The following PI4KA variants were observed in gnomAD, a reference collection of about 807,000 sequenced individuals.
PI4KA encodes PI4-kinase alpha.
In PI4KA, 122 loss-of-function variants were observed where a neutral mutation model predicts 271.4. The ratio of observed to expected loss-of-function variants is 0.45; its 90% CI spans 0.39 to 0.52. PI4KA has a LOEUF of 0.52. PI4KA is among the 20% of genes least tolerant of loss of function. PI4KA has a pLI of 0.00. For missense variants in PI4KA, 1,969 were observed against 2,769.1 expected, an observed-to-expected ratio of 0.71 and a Z score of 6.48; for synonymous variants, 1,041 against 1,078.8, an observed-to-expected ratio of 0.96 and a Z score of 0.69.
At chr22:20,801,112 G>C (rs1367376857) in intron 14 of PI4KA, among the ~76,000 whole-genome samples, 1 of 147,264 alleles carries the variant, frequency 6.8e-6, no homozygotes, top group African/African-American at 2.5e-5. Context: ...GGCTGGTCTC[G>C]AACTCCTGAC....
At position 20,820,594 on chromosome 22, in the gene PI4KA, CA is replaced by C; in HGVS notation, c.473del (p.Leu158CysfsTer30). The C allele has an allele frequency of 6.2e-7, 1 of 1,606,800 alleles. No homozygotes were observed. The highest frequency in any genetic ancestry group is 8.5e-7 in the Non-Finnish European group (1 of 1,174,790). ...TCCCCAAGAGGACATGCAAAACCTG[CA>C]AAAGCACCTCTAAAATCTGTAACAG... is the stretch of plus-strand genomic sequence containing the variant. The part of the protein sequence containing the change: ...SLRDEILEVL[L>X]QVLHVLLGMC... On this transcript the variant is annotated frameshift_variant, in exon 5 of 55. Coordinates refer to ENST00000255882, the MANE Select transcript of PI4KA (RefSeq NM_058004.4). LOFTEE classifies it high-confidence loss of function.
chr22:20,716,337 C>G (rs1926004905), intron 45 of PI4KA, among the ~76,000 whole-genome samples: 1 of 152,280 alleles, frequency 6.6e-6, no homozygotes, highest in Admixed American at 6.5e-5. Flanking sequence ...CAGGCATGAG[C>G]CACCGCACCC....
intron 10 of PI4KA, among the ~76,000 whole-genome samples, chr22:20,806,544 C>A (rs1345339089): frequency 7.3e-5 from 11 of 151,658 alleles, no homozygotes; most frequent in Non-Finnish European, 1.6e-4. Context: ...GTGGCACATG[C>A]CTGTAATCCC....
At position 20,718,599 on chromosome 22, in the gene PI4KA, G is replaced by C. The variant is rs1926308407; in HGVS notation, c.5246+94C>G. 1.8e-5 allele frequency: 25 copies of C among 1,404,140 alleles called. No individual in the cohort carries two copies. In the South Asian group the frequency reaches 2.9e-4, roughly 16 times the overall value. 87.0% of individuals were successfully genotyped at this position (1,404,140 alleles called of 1,614,324 possible). On this transcript the variant is annotated intron_variant, in intron 44 of 54. Transcript: ENST00000255882. ...CTCTCATTCATCTGGTTGGGGCCAG[G>C]CACGGGTATTTTTAAAGCTTCCCAG... is the stretch of plus-strand genomic sequence containing the variant.
rs755643380 is a variant in PI4KA, at chr22:20,734,563, C to T, written c.3742-10G>A. On this transcript the variant is annotated splice_polypyrimidine_tract_variant and intron_variant, in intron 32 of 54. Coordinates refer to ENST00000255882, the MANE Select transcript of PI4KA (RefSeq NM_058004.4). ...CCATCTCCCGCATGAACTACAGGTA[C>T]AGAAGGAATGTTAGCTCCTCTGTGA... 4.3e-6 allele frequency: 7 copies of T among 1,613,834 alleles called. No individual in the cohort carries two copies. Among genetic ancestry groups the T allele is most frequent in the Non-Finnish European group, 5.9e-6 (7 of 1,179,838 alleles).
At chr22:20,812,640 A>G (rs1921216595) in intron 8 of PI4KA, among the ~76,000 whole-genome samples, 1 of 152,062 alleles carries the variant, frequency 6.6e-6, no homozygotes. Context: ...TGCAACCTCC[A>G]CCTCCAAGGT....
chr22:20,848,237 C>CAAGAAAAAAAAAAAAAAAAAAAAAAA (rs1569099398), intron 1 of PI4KA, among the ~76,000 whole-genome samples: 1 of 51,226 alleles, frequency 2.0e-5, no homozygotes, highest in Admixed American at 1.9e-4. Context: ...GACTCCATCT[C>CAAGAAAAAAAAAAAAAAAAAAAAAAA]AAAAAAAAAA....
At position 20,798,707 on chromosome 22, in the gene PI4KA, A is replaced by T. The variant is rs1935122286; in HGVS notation, c.2005-20T>A. On this transcript the variant is annotated intron_variant, in intron 16 of 54. Coordinates refer to ENST00000255882, the MANE Select transcript of PI4KA (RefSeq NM_058004.4). Reference sequence around the variant, plus strand: ...GTATTGCTGGGAGAGAGCAAGATGCACTGTCACCATGCAGGATGCCCTCAT... The same window carrying T: ...GTATTGCTGGGAGAGAGCAAGATGCTCTGTCACCATGCAGGATGCCCTCAT... 6.6e-7 allele frequency: 1 copy of T among 1,519,726 alleles called. No individual in the cohort carries two copies. The highest frequency in any genetic ancestry group is 1.7e-5 in the Admixed American group (1 of 59,932). The allele number at this position is 1,519,726 out of a possible 1,614,324, so 94.1% of individuals were successfully genotyped here. A position where few individuals can be genotyped will look rare whatever the true frequency, so the allele number is the denominator to read the frequency against.
chr22:20,718,581 T>G (rs1926303439), intron 44 of PI4KA, 112 bp downstream of exon 44: 1 of 1,255,260 alleles, frequency 8.0e-7, no homozygotes, highest in African/African-American at 1.5e-5. Flanking sequence ...AGACTCTCAT[T>G]CATCTGGTTG....
At position 20,764,889 on chromosome 22, in the gene PI4KA, G is replaced by T; in HGVS notation, c.2636C>A (p.Ser879Tyr). The change falls in exon 22 of 55, where the codon TCC becomes TAC. Residue 879 changes from serine (S) to tyrosine (Y), a missense_variant. By Grantham distance (144) the Ser-to-Tyr change is moderately radical. Coordinates refer to ENST00000255882, the MANE Select transcript of PI4KA (RefSeq NM_058004.4). ...GAAGTCCAGCTTGTTGATGAGTGCGGACACCTCGGGAGGGGGGTCCAGCAG... is the reference window on the plus strand; with the variant it reads ...GAAGTCCAGCTTGTTGATGAGTGCGTACACCTCGGGAGGGGGGTCCAGCAG... ...INLLDPPPEV[S>Y]ALINKLDFAM... The T allele has an allele frequency of 6.2e-7, 1 of 1,613,740 alleles. No homozygotes were observed. The highest frequency in any genetic ancestry group is 8.5e-7 in the Non-Finnish European group (1 of 1,179,788).
chr22:20,854,863 GA>G (rs1569105890), intron 1 of PI4KA, among the ~76,000 whole-genome samples: 1 of 152,136 alleles, frequency 6.6e-6, no homozygotes, highest in Admixed American at 6.5e-5. Context: ...TTAAGAACAA[GA>G]AACTTGGCCG....
At chr22:20,785,854 C>T in intron 19 of PI4KA, 1 of 1,116,302 alleles carries the variant, frequency 9.0e-7, no homozygotes. Context: ...TTCCTAAAAT[C>T]CTCAACTGAC....
chr22:20,824,475 G>T, intron 3 of PI4KA, 61 bp from the exon 4 acceptor site: 1 of 1,195,614 alleles, frequency 8.4e-7, no homozygotes, highest in Non-Finnish European at 1.2e-6. Flanking sequence ...CACACCTCTG[G>T]CCATCCAATT....
Position 20,799,244 on chromosome 22 carries a change from C to G in PI4KA, c.1853G>C (p.Arg618Pro), listed in dbSNP as rs755609944. ...GGCCACCGCAATGTGTCCCAAGGCTCGGATTGTGTGGTCGGGAATCAAGTG... is the reference window on the plus strand; with the variant it reads ...GGCCACCGCAATGTGTCCCAAGGCTGGGATTGTGTGGTCGGGAATCAAGTG... ...DAHLIPDHTI[R>P]ALGHIAVALR... Residue 618 changes from arginine to proline, a missense_variant, in exon 16 of 55, where the codon CGA becomes CCA. This residue lies in a region of PI4KA where 228 missense variants were observed against 261.6 expected (regional missense o/e 0.87). Transcript: ENST00000255882. The G allele has an allele frequency of 6.5e-7, 1 of 1,538,764 alleles. No individual in the cohort carries two copies. The highest frequency in any genetic ancestry group is 2.3e-5 in the East Asian group (1 of 43,618).
At chr22:20,842,814 CAA>C (rs764238069) in intron 1 of PI4KA, among the ~76,000 whole-genome samples, 13 of 81,630 alleles carry the variant, frequency 1.6e-4, no homozygotes, top group Admixed American at 1.6e-4. Flanking sequence ...GACTCTGTCT[CAA>C]AAAAAAAAAA....
chr22:20,780,086 C>T, intron 19 of PI4KA: 1 of 1,614,182 alleles, frequency 6.2e-7, no homozygotes. Context: ...ACCCTGCCTT[C>T]ATATCAAAAA....
At chr22:20,755,200 G>A (rs1485689228) in intron 23 of PI4KA, among the ~76,000 whole-genome samples, 1 of 152,066 alleles carries the variant, frequency 6.6e-6, no homozygotes, top group African/African-American at 2.4e-5. Flanking sequence ...ATGTTTATTC[G>A]TTGGGTTATA....
chr22:20,756,630 T>C (rs1335893752), intron 23 of PI4KA, among the ~76,000 whole-genome samples: 2 of 143,150 alleles, frequency 1.4e-5, no homozygotes, highest in Non-Finnish European at 3.0e-5. Flanking sequence ...CTAAGGAGAT[T>C]AAAAAAAATT....
chr22:20,839,578 T>C (rs749375492), intron 1 of PI4KA, among the ~76,000 whole-genome samples: 3 of 152,206 alleles, frequency 2.0e-5, no homozygotes, highest in Non-Finnish European at 4.4e-5. Context: ...ACGCCTGTAA[T>C]CCCAGCACTT....
Sources: allele counts gnomAD v4.1 joint callset (sites outside exome capture counted in the v4.1 genomes callset), GRCh38; gene constraint gnomAD v4.1.1; regional missense constraint gnomAD v4.1.1; transcripts MANE v1.5; gene names NCBI Gene and HGNC (gene_info 2026-07-23, HGNC 2026-07-21).